RFTN1: variants seen among roughly 807,000 people sequenced by gnomAD.
RFTN1 encodes the protein raftlin, lipid raft linker 1.
RFTN1 carries 26 observed loss-of-function variants against 46.5 expected under a neutral mutation model. The ratio of observed to expected loss-of-function variants is 0.56; its 90% CI spans 0.41 to 0.78. The LOEUF (loss-of-function observed/expected upper bound fraction) is 0.78, where lower values mean the gene tolerates loss of function less well. Ranked by LOEUF, RFTN1 falls within the 30% of genes least tolerant of loss-of-function variation. The pLI is 0.00. For synonymous variants in RFTN1, 261 were observed against 284.2 expected (o/e 0.92, Z 0.82); for missense variants, 693 against 718.7 (o/e 0.96, Z 0.41).
intron 2 of RFTN1, among the ~76,000 whole-genome samples, chr3:16,453,416 T>G (rs150606598): frequency 1.3e-5 from 2 of 152,220 alleles, no homozygotes; most frequent in African/African-American, 4.8e-5. Context: ...AGCAAGTGAA[T>G]GTAGCAAGAT....
chr3:16,482,899 C>A (rs1003765272), intron 2 of RFTN1: 7 of 1,453,638 alleles, frequency 4.8e-6, no homozygotes, highest in Non-Finnish European at 6.5e-6. Context: ...CTTAAATTTG[C>A]GGAAATATAG....
rs2071755957 is a variant in RFTN1, at chr3:16,346,869, A to G, written c.1146+11063T>C. On this transcript the variant is annotated intron_variant, in intron 7 of 9. Coordinates refer to ENST00000334133, the MANE Select transcript of RFTN1 (RefSeq NM_015150.2). This position sits in a 1 kb window ranked among gnomAD's most constrained non-coding sequence, Gnocchi z 4.4. Reference sequence around the variant, plus strand: ...CTGAGGATGAGTACAGAAAGATGGCAACATCTGGATCCCTGGTGGCATCTT... The same window carrying G: ...CTGAGGATGAGTACAGAAAGATGGCGACATCTGGATCCCTGGTGGCATCTT... 6.6e-6 allele frequency among the ~76,000 whole-genome samples: 1 copy of G among 152,174 alleles called. No individual in the cohort carries two copies. Among genetic ancestry groups the G allele is most frequent in the African/African-American group, 2.4e-5 (1 of 41,440 alleles).
At chr3:16,318,978 C>G (rs1324236224) in intron 9 of RFTN1, among the ~76,000 whole-genome samples, 1 of 152,206 alleles carries the variant, frequency 6.6e-6, no homozygotes, top group East Asian at 1.9e-4. Context: ...TCCAAACCCA[C>G]CAGAGGAGGC....
Position 16,465,456 on chromosome 3 carries a change from C to CA in RFTN1, c.145+28268_145+28269insT, listed in dbSNP as rs1374463813. On this transcript the variant is annotated intron_variant, in intron 2 of 9. Coordinates refer to ENST00000334133, the MANE Select transcript of RFTN1 (RefSeq NM_015150.2). The surrounding 1 kb of genome is among the most constrained non-coding windows in gnomAD (Gnocchi z 5.1). ...CACACACACACACACACACACACAC[C>CA]CCATGCCTGATTAAACAAAATAATT... 7.8e-6 allele frequency among the ~76,000 whole-genome samples: 1 copy of CA among 127,448 alleles called. No individual in the cohort carries two copies. Among genetic ancestry groups the CA allele is most frequent in the East Asian group, 2.4e-4 (1 of 4,178 alleles). The allele number at this position is 127,448 out of a possible 152,430, so 83.6% of individuals were successfully genotyped here.
At chr3:16,436,349 A>G (rs999514541) in intron 2 of RFTN1, among the ~76,000 whole-genome samples, 1 of 134,574 alleles carries the variant, frequency 7.4e-6, no homozygotes, top group Non-Finnish European at 1.6e-5. Flanking sequence ...TTTTGCCATG[A>G]AAAAAAAAAT....
chr3:16,394,313 C>T (rs2074419403), intron 4 of RFTN1, among the ~76,000 whole-genome samples: 1 of 152,126 alleles, frequency 6.6e-6, no homozygotes, highest in Admixed American at 6.5e-5. Flanking sequence ...GGGTTTGAAG[C>T]TGTAGTGAGC....
chr3:16,324,947 T>TACAA (rs2069547055), intron 8 of RFTN1, among the ~76,000 whole-genome samples: 1 of 152,170 alleles, frequency 6.6e-6, no homozygotes. Flanking sequence ...ACCAAGAGTG[T>TACAA]ACAAGGGTTC....
At chr3:16,343,961 A>G (rs2071477358) in intron 7 of RFTN1, among the ~76,000 whole-genome samples, 1 of 152,208 alleles carries the variant, frequency 6.6e-6, no homozygotes, top group South Asian at 2.1e-4. Flanking sequence ...CTGCCTCAAA[A>G]GTGAAGATCT....
Position 16,346,597 on chromosome 3 carries a change from C to T in RFTN1, c.1146+11335G>A, listed in dbSNP as rs956911329. Among the ~76,000 whole-genome samples the T allele has an allele frequency of 6.6e-6, 1 of 152,124 alleles. No homozygotes were observed. Among genetic ancestry groups the T allele is most frequent in the Non-Finnish European group, 1.5e-5 (1 of 68,026 alleles). ...GCCCAGGGCTTCTTCCTCACTGACACCCCCCAGGCCTGGACAACCATGACT... is the reference window on the plus strand; with the variant it reads ...GCCCAGGGCTTCTTCCTCACTGACATCCCCCAGGCCTGGACAACCATGACT... On this transcript the variant is annotated intron_variant, in intron 7 of 9. Transcript: ENST00000334133. The surrounding 1 kb of genome is among the most constrained non-coding windows in gnomAD (Gnocchi z 4.4).
rs1469902930 is a variant in RFTN1, at chr3:16,357,861, T to C, written c.1146+71A>G. 3.1e-5 allele frequency: 29 copies of C among 950,788 alleles called. No individual in the cohort carries two copies. The South Asian group carries it at 4.0e-4, about 13-fold the overall frequency. The allele number at this position is 950,788 out of a possible 1,614,324, so 58.9% of individuals were successfully genotyped here. A position where few individuals can be genotyped will look rare whatever the true frequency, so the allele number is the denominator to read the frequency against. On this transcript the variant is annotated intron_variant, in intron 7 of 9. Coordinates refer to ENST00000334133, the MANE Select transcript of RFTN1 (RefSeq NM_015150.2). ...CCACAGCTGAGCCACAGCCCCACGG[T>C]CAGATCAAGCAGGCGGATAAAACAA... is the stretch of plus-strand genomic sequence containing the variant.
chr3:16,462,080 T>G (rs978716824), intron 2 of RFTN1, among the ~76,000 whole-genome samples: 2 of 152,138 alleles, frequency 1.3e-5, no homozygotes, highest in Admixed American at 6.5e-5. Flanking sequence ...GGCAAGGAGG[T>G]CTGAAGCCCA....
intron 4 of RFTN1, among the ~76,000 whole-genome samples, chr3:16,401,195 C>T (rs974517815): frequency 8.5e-5 from 13 of 152,130 alleles, no homozygotes; most frequent in South Asian, 2.1e-4. Context: ...TGGTGGCTCG[C>T]GCCTGTAATC....
chr3:16,327,772 A>AG lies in RFTN1; in HGVS notation c.1147-897_1147-896insC, dbSNP rs1444140149. Among the ~76,000 whole-genome samples the AG allele has an allele frequency of 6.8e-6, 1 of 146,758 alleles. No homozygotes were observed. The highest frequency in any genetic ancestry group is 2.0e-4 in the East Asian group (1 of 5,072). On this transcript the variant is annotated intron_variant, in intron 7 of 9. Transcript: ENST00000334133. This position sits in a 1 kb window ranked among gnomAD's most constrained non-coding sequence, Gnocchi z 4.2. ...CGGGATTCCCATCTCAAAAAAAAAA[A>AG]CAAAACGAAAAAAACTTCAGCCCCC... is the stretch of plus-strand genomic sequence containing the variant.
intron 8 of RFTN1, 68 bp downstream of exon 8, chr3:16,326,705 T>C (rs1389136773): frequency 8.6e-7 from 1 of 1,168,974 alleles, no homozygotes; most frequent in African/African-American, 1.5e-5. Flanking sequence ...CGTGAGGTGC[T>C]CATTAGGAAC....
Position 16,458,491 on chromosome 3 carries a change from T to G in RFTN1, c.146-24454A>C, listed in dbSNP as rs180757867. Among the ~76,000 whole-genome samples the G allele has an allele frequency of 1.9e-3, 294 of 152,388 alleles. No individual in the cohort carries two copies. The highest frequency in any genetic ancestry group is 6.8e-3 in the Middle Eastern group (2 of 294). ...TCACTTGTCATTAATTCTGTTCATC[T>G]GCAAGAAGCCCATCTATCTATAGCT... On this transcript the variant is annotated intron_variant, in intron 2 of 9. Transcript: ENST00000334133. The surrounding 1 kb of genome is among the most constrained non-coding windows in gnomAD (Gnocchi z 5.1).
At position 16,382,751 on chromosome 3, in the gene RFTN1, C is replaced by T. The variant is rs2074035875; in HGVS notation, c.442-4649G>A. On this transcript the variant is annotated intron_variant, in intron 4 of 9. Coordinates refer to ENST00000334133, the MANE Select transcript of RFTN1 (RefSeq NM_015150.2). The surrounding 1 kb of genome is among the most constrained non-coding windows in gnomAD (Gnocchi z 4.7). Reference sequence around the variant, plus strand: ...ACCACACCCTACCACATTTATCCCCCAGTGTTTCTGGAATTACTTCCTCCT... The same window carrying T: ...ACCACACCCTACCACATTTATCCCCTAGTGTTTCTGGAATTACTTCCTCCT... Among the ~76,000 whole-genome samples the T allele has an allele frequency of 6.6e-6, 1 of 152,202 alleles. No homozygotes were observed. Among genetic ancestry groups the T allele is most frequent in the South Asian group, 2.1e-4 (1 of 4,836 alleles).
At chr3:16,347,730 C>T (rs1299115046) in intron 7 of RFTN1, 1 of 152,226 alleles carries the variant, frequency 6.6e-6, no homozygotes, top group Non-Finnish European at 1.5e-5. Context: ...TCAGTCTTTA[C>T]TATATACACA....
At chr3:16,365,474 A>C (rs1559293209) in intron 6 of RFTN1, among the ~76,000 whole-genome samples, 1 of 152,178 alleles carries the variant, frequency 6.6e-6, no homozygotes, top group Non-Finnish European at 1.5e-5. Context: ...AAACATGTAC[A>C]TGTGTTTTAC....
At chr3:16,437,117 C>T (rs2075531240) in intron 2 of RFTN1, among the ~76,000 whole-genome samples, 1 of 152,198 alleles carries the variant, frequency 6.6e-6, no homozygotes, top group Admixed American at 6.5e-5. Flanking sequence ...TTTCTTCACA[C>T]AGATAGCACA....
Sources: allele counts gnomAD v4.1 joint callset (sites outside exome capture counted in the v4.1 genomes callset), GRCh38; gene constraint gnomAD v4.1.1; non-coding constraint Gnocchi (gnomAD v3.1); transcripts MANE v1.5; gene names NCBI Gene and HGNC (gene_info 2026-07-23, HGNC 2026-07-21).